DRC12: variants seen among roughly 807,000 people sequenced by gnomAD.
DRC12 encodes dynein regulatory complex protein 12.
the DRC12 span, among the ~76,000 whole-genome samples, chr11:119,194,572 T>C: frequency 3.7e-5 from 5 of 135,768 alleles, no homozygotes; most frequent in Non-Finnish European, 6.2e-5. Flanking sequence ...CCAGGCATGG[T>C]GGTGTGCACC....
At chr11:119,193,030 G>C in the DRC12 span, 6 of 858,176 alleles carry the variant, frequency 7.0e-6, no homozygotes, top group Non-Finnish European at 1.2e-5. Context: ...CGAAAGTGGG[G>C]AAAGTGATCC....
At chr11:119,195,151 T>C in the DRC12 span, 1 of 656,256 alleles carries the variant, frequency 1.5e-6, no homozygotes, top group South Asian at 1.9e-5. Flanking sequence ...GTCAGCACCG[T>C]GTCCTCACCG....
chr11:119,194,996 T>A, the DRC12 span: 16 of 1,551,102 alleles, frequency 1.0e-5, no homozygotes, highest in East Asian at 2.4e-4. Context: ...CATCTGCACC[T>A]GCGGTGGCAA....
At chr11:119,190,779 C>G in the DRC12 span, 22 of 1,614,134 alleles carry the variant, frequency 1.4e-5, no homozygotes, top group Non-Finnish European at 1.7e-5. This position sits in a 1 kb window ranked among gnomAD's most constrained non-coding sequence, Gnocchi z 4.2. Flanking sequence ...GGGCCTGGTC[C>G]CGCTCTCCGA....
At chr11:119,193,164 A>G in the DRC12 span, 1 of 1,614,056 alleles carries the variant, frequency 6.2e-7, no homozygotes. Flanking sequence ...GCTGCCCCCG[A>G]AGGCCTTTGA....
chr11:119,193,966 A>G, the DRC12 span: 5 of 1,418,386 alleles, frequency 3.5e-6, no homozygotes, highest in Admixed American at 2.3e-5. Flanking sequence ...GACTTTGCCC[A>G]CCTCTAGAAA....
the DRC12 span, chr11:119,195,423 C>T: frequency 1.3e-6 from 2 of 1,551,202 alleles, no homozygotes; most frequent in Non-Finnish European, 1.7e-6. Context: ...CCATGACTCA[C>T]CCCAGTTCTT....
chr11:119,193,232 G>A, the DRC12 span: 16 of 1,614,036 alleles, frequency 9.9e-6, no homozygotes, highest in Non-Finnish European at 1.4e-5. Flanking sequence ...GCATGGCACT[G>A]GCGACTCATC....
At chr11:119,191,979 T>A in the DRC12 span, among the ~76,000 whole-genome samples, 2 of 27,236 alleles carry the variant, frequency 7.3e-5, no homozygotes, top group Admixed American at 2.2e-4. Context: ...CCGAAGGCCT[T>A]TTTTTTTTTT....
the DRC12 span, chr11:119,193,124 A>T: frequency 6.3e-7 from 1 of 1,590,556 alleles, no homozygotes; most frequent in East Asian, 2.2e-5. Flanking sequence ...CTTGGAGAGA[A>T]GGGGCTTGGA....
chr11:119,193,449 C>T, the DRC12 span: 1 of 964,956 alleles, frequency 1.0e-6, no homozygotes, highest in South Asian at 1.7e-5. Flanking sequence ...CTCCCCCAGT[C>T]CAGCTTTGGA....
chr11:119,193,348 C>A, the DRC12 span: 95 of 1,005,304 alleles, frequency 9.4e-5, no homozygotes, highest in African/African-American at 1.4e-3. Context: ...TCTAGTGGAA[C>A]AGGAGCACAA....
chr11:119,194,636 G>A, the DRC12 span, among the ~76,000 whole-genome samples: 1 of 151,126 alleles, frequency 6.6e-6, no homozygotes, highest in Non-Finnish European at 1.5e-5. Flanking sequence ...CGGCCCAGGA[G>A]TTAGAGATTA....
At chr11:119,190,406 T>A in the DRC12 span, 1 of 1,613,986 alleles carries the variant, frequency 6.2e-7, no homozygotes, top group Non-Finnish European at 8.5e-7. The surrounding 1 kb of genome is among the most constrained non-coding windows in gnomAD (Gnocchi z 4.2). Flanking sequence ...CCCATCCCAC[T>A]GCTGCTTGAT....
At chr11:119,193,818 C>T in the DRC12 span, 1 of 1,551,674 alleles carries the variant, frequency 6.4e-7, no homozygotes, top group Non-Finnish European at 8.7e-7. Context: ...CAGCCTCCAC[C>T]CCTTGCAGCC....
the DRC12 span, among the ~76,000 whole-genome samples, chr11:119,194,165 G>T: frequency 6.6e-6 from 1 of 151,986 alleles, no homozygotes; most frequent in Non-Finnish European, 1.5e-5. Context: ...TGGGAGAATT[G>T]CTTGAGGCCA....
the DRC12 span, among the ~76,000 whole-genome samples, chr11:119,194,541 A>AAAAAAAAAAAAAAAAAAAAAAAAG: frequency 3.0e-5 from 2 of 66,002 alleles, no homozygotes; most frequent in African/African-American, 6.3e-5. Context: ...AAAAAAAAAA[A>AAAAAAAAAAAAAAAAAAAAAAAAG]AAAATAAATA....
the DRC12 span, chr11:119,194,966 G>A: frequency 6.4e-7 from 1 of 1,551,474 alleles, no homozygotes; most frequent in Non-Finnish European, 8.7e-7. Flanking sequence ...CCACCAGCCT[G>A]TGCCTGGACT....
At chr11:119,194,743 A>G in the DRC12 span, among the ~76,000 whole-genome samples, 2 of 123,512 alleles carry the variant, frequency 1.6e-5, no homozygotes, top group African/African-American at 3.2e-5. Context: ...CAAACAAAAA[A>G]AACACCTTCC....
Sources: gnomAD v4.1 joint callset for allele counts (sites outside exome capture counted in the v4.1 genomes callset) on GRCh38, gnomAD v4.1.1 for gene constraint, Gnocchi (gnomAD v3.1) non-coding constraint, MANE v1.5 for transcripts, NCBI Gene and HGNC (gene_info 2026-07-23, HGNC 2026-07-21) for gene names.